TMEM255B: variants seen among roughly 807,000 people sequenced by gnomAD.
TMEM255B encodes family with sequence similarity 70, member B.
In TMEM255B, 35 loss-of-function variants were observed where a neutral mutation model predicts 34.5. The observed-to-expected ratio is 1.01, with a 90% CI of 0.77 to 1.34. TMEM255B has a LOEUF of 1.34. TMEM255B is among the 40% of genes most tolerant of loss of function. The pLI is 0.00. For missense variants in TMEM255B, 432 were observed against 433.2 expected (o/e 1.00, Z 0.02); for synonymous variants, 206 against 201.2 (o/e 1.02, Z -0.20).
chr13:113,810,809 G>GT (rs1238280546), intron 8 of TMEM255B, among the ~76,000 whole-genome samples: 1 of 152,254 alleles, frequency 6.6e-6, no homozygotes, highest in Non-Finnish European at 1.5e-5. Flanking sequence ...AGATGCGTGT[G>GT]TGAGCCGCTG....
intron 3 of TMEM255B, among the ~76,000 whole-genome samples, chr13:113,773,628 G>A (rs2050512296): frequency 6.6e-6 from 1 of 152,244 alleles, no homozygotes; most frequent in African/African-American, 2.4e-5. Flanking sequence ...GCCTTTTCAG[G>A]AGAGGCATTC....
intron 1 of TMEM255B, among the ~76,000 whole-genome samples, chr13:113,761,038 G>A: frequency 6.6e-6 from 1 of 152,044 alleles, no homozygotes; most frequent in East Asian, 1.9e-4. Context: ...TTTCTGCTTT[G>A]CCCTTCTTTG....
chr13:113,778,378 G>A (rs564653509), intron 3 of TMEM255B, among the ~76,000 whole-genome samples: 11 of 152,078 alleles, frequency 7.2e-5, no homozygotes, highest in Non-Finnish European at 1.0e-4. Flanking sequence ...GTGCCATGGC[G>A]TCTTCTCCCG....
rs1174929404 is a variant in TMEM255B, at chr13:113,769,307, G to A, written c.252+147G>A. 9 of 817,176 alleles carry A rather than the reference G, an allele frequency of 1.1e-5. No homozygotes were observed. Among genetic ancestry groups the A allele is most frequent in the Non-Finnish European group, 1.8e-5 (9 of 492,400 alleles). The allele number at this position is 817,176 out of a possible 1,614,324, so 50.6% of individuals were successfully genotyped here. ...CTCTGAGGTTCCCGGGCTGTGGCCT[G>A]CACAGTCCTGGATACAGGGTTCAGC... is the stretch of plus-strand genomic sequence containing the variant. On this transcript the variant is annotated intron_variant, in intron 3 of 8. Coordinates refer to ENST00000375353, the MANE Select transcript of TMEM255B (RefSeq NM_182614.4). This position sits in a 1 kb window ranked among gnomAD's most constrained non-coding sequence, Gnocchi z 4.2.
chr13:113,800,197 G>GT (rs1228455919), intron 5 of TMEM255B: 1 of 114,406 alleles, frequency 8.7e-6, no homozygotes, highest in Non-Finnish European at 1.7e-5. Flanking sequence ...GTGTGTGTGG[G>GT]GGGGGGTAGG....
chr13:113,775,001 ACT>A (rs1566724660), intron 3 of TMEM255B, among the ~76,000 whole-genome samples: 2 of 143,700 alleles, frequency 1.4e-5, no homozygotes, highest in African/African-American at 5.2e-5. Flanking sequence ...CACACCACAC[ACT>A]CCACACAATA....
At position 113,806,879 on chromosome 13, in the gene TMEM255B, G is replaced by T. The variant is rs2051182466; in HGVS notation, c.813+1851G>T. Among the ~76,000 whole-genome samples, 1 of 151,500 alleles carries T rather than the reference G, an allele frequency of 6.6e-6. No individual in the cohort carries two copies. Among genetic ancestry groups the T allele is most frequent in the Non-Finnish European group, 1.5e-5 (1 of 67,676 alleles). ...ATCTCCAGGGACGCTGGGCCTGCAGGTGCTCCCCAAGCGGCTCTACACAGA... is the reference window on the plus strand; with the variant it reads ...ATCTCCAGGGACGCTGGGCCTGCAGTTGCTCCCCAAGCGGCTCTACACAGA... On this transcript the variant is annotated intron_variant, in intron 8 of 8. Transcript: ENST00000375353. This position sits in a 1 kb window ranked among gnomAD's most constrained non-coding sequence, Gnocchi z 4.2.
intron 7 of TMEM255B, chr13:113,803,109 A>G (rs9550236): frequency 0.66 from 96,518 of 147,100 alleles, 35,383 homozygotes; most frequent in East Asian, 0.87. Context: ...CATGCTCGCC[A>G]CACAGGCCCG....
chr13:113,798,993 G>A lies in TMEM255B; in HGVS notation c.343-346G>A, dbSNP rs529184650. On this transcript the variant is annotated intron_variant, in intron 4 of 8. Transcript: ENST00000375353. Reference sequence around the variant, plus strand: ...GAGACAATATTTTCTTTTATGAAACGATGCAGGAGCCTAACACCTGTGATG... The same window carrying A: ...GAGACAATATTTTCTTTTATGAAACAATGCAGGAGCCTAACACCTGTGATG... 5.9e-5 allele frequency among the ~76,000 whole-genome samples: 9 copies of A among 152,296 alleles called. No individual in the cohort carries two copies. In the East Asian group the frequency reaches 1.5e-3, roughly 26 times the overall value.
At chr13:113,790,086 A>G (rs867062435) in intron 3 of TMEM255B, among the ~76,000 whole-genome samples, 2 of 141,374 alleles carry the variant, frequency 1.4e-5, no homozygotes, top group Admixed American at 7.0e-5. Context: ...CACTGGGCAC[A>G]TGGACATCCT....
At chr13:113,761,976 G>T (rs1046041620) in intron 1 of TMEM255B, among the ~76,000 whole-genome samples, 9 of 152,148 alleles carry the variant, frequency 5.9e-5, no homozygotes, top group Non-Finnish European at 1.2e-4. Context: ...ACCCAGAATG[G>T]TTTGGGTCCA....
rs371628814 is a variant in TMEM255B, at chr13:113,811,874, G to C, written c.952G>C (p.Gly318Arg). Reference protein sequence around the residue: ...PCYAPTYFPPGEKPPPYAP With the variant: ...PCYAPTYFPPREKPPPYAP ...CTACGCACCCACCTACTTTCCCCCG[G>C]GGGAGAAGCCACCCCCCTACGCACC... is the stretch of plus-strand genomic sequence containing the variant. The change falls in exon 9 of 9, where the codon GGG becomes CGG. Residue 318 changes from glycine (G) to arginine (R), a missense_variant. Gly to Arg is a moderately radical substitution (Grantham distance 125). Coordinates refer to ENST00000375353, the MANE Select transcript of TMEM255B (RefSeq NM_182614.4). 9.3e-6 allele frequency: 15 copies of C among 1,613,238 alleles called. No individual in the cohort carries two copies. The African/African-American group carries it at 1.2e-4, about 13-fold the overall frequency.
In TMEM255B at chr13:113,806,380, A is replaced by G. The variant is rs1319779925; in HGVS notation, c.813+1352A>G. Among the ~76,000 whole-genome samples, 1 of 152,082 alleles carries G rather than the reference A, an allele frequency of 6.6e-6. No homozygotes were observed. Among genetic ancestry groups the G allele is most frequent in the Non-Finnish European group, 1.5e-5 (1 of 67,992 alleles). ...CCACCTTCAGCCATGCCCGGGACAC[A>G]GCAGCTGTTGGGCTCAGTGGAGATG... is the stretch of plus-strand genomic sequence containing the variant. On this transcript the variant is annotated intron_variant, in intron 8 of 8. Coordinates refer to ENST00000375353, the MANE Select transcript of TMEM255B (RefSeq NM_182614.4). This position sits in a 1 kb window ranked among gnomAD's most constrained non-coding sequence, Gnocchi z 4.2.
At chr13:113,764,733 G>A (rs2050361325) in intron 1 of TMEM255B, among the ~76,000 whole-genome samples, 1 of 152,234 alleles carries the variant, frequency 6.6e-6, no homozygotes, top group South Asian at 2.1e-4. Context: ...GGGCAACTGT[G>A]GAGAGCACAG....
intron 5 of TMEM255B, chr13:113,799,628 G>T: frequency 1.6e-6 from 1 of 636,628 alleles, no homozygotes; most frequent in South Asian, 1.9e-5. Context: ...TCAGAGTTCT[G>T]GACTTGCTTC....
chr13:113,783,197 T>C (rs544866939), intron 3 of TMEM255B, among the ~76,000 whole-genome samples: 15 of 152,340 alleles, frequency 9.8e-5, no homozygotes, highest in South Asian at 2.1e-4. Context: ...CCTGGGGCTC[T>C]TATGTAATTT....
intron 2 of TMEM255B, chr13:113,768,863 G>A: frequency 1.6e-6 from 1 of 614,400 alleles, no homozygotes; most frequent in South Asian, 1.5e-5. Context: ...CCAAACAGAT[G>A]CATCATTAAA....
At chr13:113,780,987 C>A (rs1443057598) in intron 3 of TMEM255B, among the ~76,000 whole-genome samples, 2 of 152,122 alleles carry the variant, frequency 1.3e-5, no homozygotes, top group East Asian at 3.8e-4. Context: ...CAAACACAGC[C>A]CAAAGAAAGC....
intron 3 of TMEM255B, among the ~76,000 whole-genome samples, chr13:113,774,339 G>C (rs901989433): frequency 5.9e-5 from 9 of 152,146 alleles, no homozygotes; most frequent in African/African-American, 2.2e-4. Context: ...TGCTGAATGA[G>C]TTACTGTTTC....
Sources: allele counts gnomAD v4.1 joint callset (sites outside exome capture counted in the v4.1 genomes callset), GRCh38; gene constraint gnomAD v4.1.1; non-coding constraint Gnocchi (gnomAD v3.1); transcripts MANE v1.5; gene names NCBI Gene and HGNC (gene_info 2026-07-23, HGNC 2026-07-21).